OSBPL9: variants seen among roughly 807,000 people sequenced by gnomAD.
OSBPL9 encodes the protein oxysterol-binding protein-related protein 9.
A neutral mutation model predicts 106.6 loss-of-function variants in OSBPL9; 40 were observed. The observed-to-expected ratio is 0.38, with a 90% CI of 0.29 to 0.49. OSBPL9 has a LOEUF of 0.49. Among genes scored for constraint, OSBPL9 ranks in the 20% least tolerant of loss-of-function variants. OSBPL9 has a pLI of 0.97. For missense variants in OSBPL9, 609 were observed against 887.2 expected, an observed-to-expected ratio of 0.69 and a Z score of 3.98; for synonymous variants, 269 against 295.4, an observed-to-expected ratio of 0.91 and a Z score of 0.92.
chr1:51,549,832 C>T, the OSBPL9 span, among the ~76,000 whole-genome samples: 1 of 152,090 alleles, frequency 6.6e-6, no homozygotes, highest in Admixed American at 6.5e-5. Context: ...GACTCTGTCT[C>T]AAAACAAAAC....
the OSBPL9 span, among the ~76,000 whole-genome samples, chr1:51,542,224 T>C: frequency 6.6e-6 from 1 of 152,320 alleles, no homozygotes; most frequent in Non-Finnish European, 1.5e-5. Flanking sequence ...AAGAGCATTT[T>C]TATCCATCTG....
intron 4 of OSBPL9, chr1:51,724,933 C>T (rs1203843135): frequency 6.0e-6 from 1 of 166,154 alleles, no homozygotes; most frequent in Non-Finnish European, 1.3e-5. Context: ...TGCCATTTAT[C>T]CTGCTTGGTG....
chr1:51,590,704 T>C (rs1008880875), intron 1 of OSBPL9, among the ~76,000 whole-genome samples: 4 of 151,384 alleles, frequency 2.6e-5, no homozygotes, highest in Non-Finnish European at 5.9e-5. Context: ...AACTTGCTGA[T>C]GGATTAAATA....
intron 12 of OSBPL9, among the ~76,000 whole-genome samples, chr1:51,767,407 A>G (rs903526039): frequency 2.6e-5 from 4 of 152,048 alleles, no homozygotes; most frequent in African/African-American, 7.2e-5. Context: ...AAAAAAAAAA[A>G]AAGAAGTAGA....
the OSBPL9 span, among the ~76,000 whole-genome samples, chr1:51,530,715 T>C: frequency 2.0e-5 from 3 of 149,594 alleles, no homozygotes; most frequent in African/African-American, 7.4e-5. Flanking sequence ...ATTAAAATTA[T>C]GGCCTGGCAC....
upstream of OSBPL9, chr1:51,577,175 C>G (rs72663113): frequency 6.6e-6 from 1 of 152,134 alleles, no homozygotes. Flanking sequence ...CTTCACTTTC[C>G]GCCATGATTA....
chr1:51,534,659 C>T, the OSBPL9 span, among the ~76,000 whole-genome samples: 6,067 of 152,304 alleles, frequency 0.04, 167 homozygotes, highest in East Asian at 0.13. Context: ...TGTGTTGTCA[C>T]AGTGTTTTCA....
intron 14 of OSBPL9, among the ~76,000 whole-genome samples, chr1:51,773,871 G>C (rs1173976962): frequency 6.6e-6 from 1 of 152,166 alleles, no homozygotes; most frequent in Non-Finnish European, 1.5e-5. Flanking sequence ...GAATGTTCTA[G>C]GTAGGAGAAC....
intron 14 of OSBPL9, 123 bp from the exon 15 acceptor site, chr1:51,776,710 T>G: frequency 6.1e-6 from 4 of 652,214 alleles, no homozygotes; most frequent in Non-Finnish European, 1.1e-5. Flanking sequence ...CTGGGCAATA[T>G]GTGGTGGATG....
rs767781621 is a variant in OSBPL9, at chr1:51,703,847, G to T, written c.242-10156G>T. Among the ~76,000 whole-genome samples, 41 of 152,218 alleles carry T rather than the reference G, an allele frequency of 2.7e-4. No homozygotes were observed. The East Asian group carries it at 3.7e-3, about 14-fold the overall frequency. ...TTTATTGAGAGTTTTTAGCATGAAGGGTTGTTGAATTTTGTCAAAGGCCTT... is the reference window on the plus strand; with the variant it reads ...TTTATTGAGAGTTTTTAGCATGAAGTGTTGTTGAATTTTGTCAAAGGCCTT... On this transcript the variant is annotated intron_variant, in intron 3 of 23. Coordinates refer to ENST00000428468, the MANE Select transcript of OSBPL9 (RefSeq NM_024586.6).
upstream of OSBPL9, among the ~76,000 whole-genome samples, chr1:51,616,594 T>C (rs1176963669): frequency 6.6e-6 from 1 of 152,234 alleles, no homozygotes; most frequent in Non-Finnish European, 1.5e-5. Context: ...TCCTTGCTTA[T>C]GTTTTTCTCC....
chr1:51,738,731 ATGCT>A (rs1666246243), intron 4 of OSBPL9, among the ~76,000 whole-genome samples: 1 of 152,046 alleles, frequency 6.6e-6, no homozygotes, highest in Non-Finnish European at 1.5e-5. Context: ...AATTTAACTT[ATGCT>A]TATAGCCTTT....
intron 4 of OSBPL9, among the ~76,000 whole-genome samples, chr1:51,723,512 C>G (rs906414093): frequency 8.6e-5 from 13 of 151,786 alleles, no homozygotes; most frequent in Non-Finnish European, 1.3e-4. Flanking sequence ...TCTTCCCTGT[C>G]TTCCTTCCTT....
chr1:51,685,016 T>C (rs984716144), intron 3 of OSBPL9, among the ~76,000 whole-genome samples: 3 of 151,832 alleles, frequency 2.0e-5, no homozygotes, highest in Non-Finnish European at 2.9e-5. Context: ...GCTCAAGTTA[T>C]CCTCCTACTT....
At chr1:51,764,185 C>T (rs1168607566) in intron 11 of OSBPL9, among the ~76,000 whole-genome samples, 1 of 152,120 alleles carries the variant, frequency 6.6e-6, no homozygotes, top group African/African-American at 2.4e-5. Context: ...GTTTGCTCTC[C>T]TAAGTAAATC....
chr1:51,778,944 GAATTA>G (rs1179957821), intron 15 of OSBPL9, among the ~76,000 whole-genome samples: 1 of 152,106 alleles, frequency 6.6e-6, no homozygotes, highest in Non-Finnish European at 1.5e-5. Flanking sequence ...CTACACCCAT[GAATTA>G]AATTAGTAAT....
intron 1 of OSBPL9, among the ~76,000 whole-genome samples, chr1:51,624,140 C>T (rs191487860): frequency 4.6e-5 from 7 of 152,094 alleles, no homozygotes; most frequent in African/African-American, 1.4e-4. Context: ...TGATCTTGAA[C>T]TCCTGACCTC....
At chr1:51,786,490 T>C (rs1173687435) in intron 21 of OSBPL9, 36 bp from the exon 22 acceptor site, 14 of 1,403,142 alleles carry the variant, frequency 1.0e-5, no homozygotes, top group Non-Finnish European at 1.4e-5. Flanking sequence ...TAGGGGTTTA[T>C]GGGTCTAGTT....
the OSBPL9 span, among the ~76,000 whole-genome samples, chr1:51,532,530 A>G: frequency 2.0e-5 from 3 of 152,220 alleles, no homozygotes; most frequent in Non-Finnish European, 4.4e-5. Flanking sequence ...GGAAAAGTGG[A>G]TGGACTTGAA....
Sources: gnomAD v4.1 joint callset for allele counts (sites outside exome capture counted in the v4.1 genomes callset) on GRCh38, gnomAD v4.1.1 for gene constraint, MANE v1.5 for transcripts, NCBI Gene and HGNC (gene_info 2026-07-23, HGNC 2026-07-21) for gene names.